CCDC15: variants seen among roughly 807,000 people sequenced by gnomAD.
The protein encoded by CCDC15 is coiled-coil domain-containing protein 15.
In CCDC15, 105 loss-of-function variants were observed where a neutral mutation model predicts 114.5. The ratio of observed to expected loss-of-function variants is 0.92; its 90% CI spans 0.78 to 1.08. The LOEUF (loss-of-function observed/expected upper bound fraction) is 1.08. Among genes scored for constraint, CCDC15 ranks in the 50% least tolerant of loss-of-function variants. The pLI is 0.00. For synonymous variants in CCDC15, 334 were observed against 377.8 expected, an observed-to-expected ratio of 0.88 and a Z score of 1.34; for missense variants, 1,105 against 1,093.6, an observed-to-expected ratio of 1.01 and a Z score of -0.15.
At position 124,973,706 on chromosome 11, in the gene CCDC15, C is replaced by T. The variant is rs200797111; in HGVS notation, c.517-1390C>T. On this transcript the variant is annotated intron_variant, in intron 4 of 15. Coordinates refer to ENST00000344762, the MANE Select transcript of CCDC15 (RefSeq NM_025004.3). The stretch of plus-strand genomic sequence containing the variant: ...TGGCGCAATCTTGGCTCACTGCAGC[C>T]TTGAACTCCAGGCTCAAGCAATCCT... Among the ~76,000 whole-genome samples the T allele has an allele frequency of 4.6e-5, 7 of 152,238 alleles. No homozygotes were observed. The East Asian group carries it at 1.4e-3, about 29-fold the overall frequency.
chr11:124,969,116 T>A (rs1947835929), intron 4 of CCDC15, among the ~76,000 whole-genome samples: 1 of 152,194 alleles, frequency 6.6e-6, no homozygotes, highest in Non-Finnish European at 1.5e-5. Flanking sequence ...TGAATACTAT[T>A]TTGTTTTTCA....
intron 8 of CCDC15, among the ~76,000 whole-genome samples, chr11:124,989,042 C>A (rs149658734): frequency 3.5e-4 from 54 of 152,254 alleles, no homozygotes; most frequent in African/African-American, 1.3e-3. Flanking sequence ...GATGGTGGAC[C>A]CTTTCCAGAG....
intron 13 of CCDC15, among the ~76,000 whole-genome samples, chr11:125,029,549 A>G (rs1039248894): frequency 6.6e-6 from 1 of 152,238 alleles, no homozygotes; most frequent in African/African-American, 2.4e-5. Flanking sequence ...TTCTTAGTAC[A>G]GGAGTATACA....
intron 4 of CCDC15, among the ~76,000 whole-genome samples, chr11:124,970,904 T>C (rs1420306745): frequency 6.6e-6 from 1 of 152,240 alleles, no homozygotes; most frequent in Non-Finnish European, 1.5e-5. Flanking sequence ...TTTCGTTTTG[T>C]TACAAAGAAG....
intron 13 of CCDC15, among the ~76,000 whole-genome samples, chr11:125,024,604 A>T (rs2135537656): frequency 6.6e-6 from 1 of 151,942 alleles, no homozygotes; most frequent in Non-Finnish European, 1.5e-5. Flanking sequence ...CCTGTTTCTG[A>T]TTCTTGCTAA....
intron 2 of CCDC15, 63 bp from the exon 3 acceptor site, chr11:124,959,052 A>G: frequency 8.6e-7 from 1 of 1,167,628 alleles, no homozygotes; most frequent in South Asian, 1.7e-5. Flanking sequence ...TTTGTGTTTA[A>G]AACAGCCCTA....
At chr11:125,008,396 A>G (rs761324474) in intron 13 of CCDC15, among the ~76,000 whole-genome samples, 13 of 152,210 alleles carry the variant, frequency 8.5e-5, no homozygotes, top group Non-Finnish European at 1.8e-4. Flanking sequence ...CCCTGCTGTA[A>G]TCACTTAGTT....
intron 8 of CCDC15, 72 bp downstream of exon 8, chr11:124,988,206 G>C: frequency 6.9e-7 from 1 of 1,450,652 alleles, no homozygotes; most frequent in Non-Finnish European, 9.3e-7. Context: ...GATTTGTAAG[G>C]ACTGCAAGTA....
chr11:124,986,739 T>C lies in CCDC15; in HGVS notation c.754-3T>C, dbSNP rs1183522994. The C allele has an allele frequency of 6.5e-7, 1 of 1,537,568 alleles. No individual in the cohort carries two copies. Among genetic ancestry groups the C allele is most frequent in the East Asian group, 2.5e-5 (1 of 40,774 alleles). ...TGCGCGTTTTCATTGTTTTTTTCTT[T>C]AGGAACTTGACTATGAGGAACCTGA... is the stretch of plus-strand genomic sequence containing the variant. On this transcript the variant is annotated splice_region_variant and splice_polypyrimidine_tract_variant and intron_variant, in intron 6 of 15. Transcript: ENST00000344762.
intron 13 of CCDC15, among the ~76,000 whole-genome samples, chr11:125,036,749 A>G (rs1031254794): frequency 6.6e-6 from 1 of 151,948 alleles, no homozygotes; most frequent in African/African-American, 2.4e-5. Flanking sequence ...TAATTCCACT[A>G]TTAACAGACT....
chr11:124,982,271 G>A (rs1948084112), intron 6 of CCDC15, among the ~76,000 whole-genome samples: 1 of 152,100 alleles, frequency 6.6e-6, no homozygotes, highest in South Asian at 2.1e-4. Context: ...TTTTAATGGG[G>A]CATTTAGTAC....
chr11:124,979,349 T>C (rs931404957), intron 6 of CCDC15, among the ~76,000 whole-genome samples: 2 of 152,228 alleles, frequency 1.3e-5, no homozygotes, highest in Non-Finnish European at 2.9e-5. Context: ...AGGAATAGCA[T>C]TGAATCTGTA....
intron 13 of CCDC15, among the ~76,000 whole-genome samples, chr11:125,032,830 C>G (rs1948749449): frequency 6.6e-6 from 1 of 152,170 alleles, no homozygotes; most frequent in Non-Finnish European, 1.5e-5. Flanking sequence ...TGAGCTAAAA[C>G]TCCATTAATT....
Position 125,025,087 on chromosome 11 carries a change from T to TATATATATGAATATATATATGA in CCDC15, c.2412-13326_2412-13325insATGAATATATATGAATATATAT, listed in dbSNP as rs1948690010. ...ATATGAATATATGAATATATATGAA[T>TATATATATGAATATATATATGA]ATATATATGAATATATATGAATATA... On this transcript the variant is annotated intron_variant, in intron 13 of 15. Coordinates refer to ENST00000344762, the MANE Select transcript of CCDC15 (RefSeq NM_025004.3). Among the ~76,000 whole-genome samples, 3 of 76,288 alleles carry TATATATATGAATATATATATGA rather than the reference T, an allele frequency of 3.9e-5. 1 individual carries two copies. Among genetic ancestry groups the TATATATATGAATATATATATGA allele is most frequent in the African/African-American group, 1.5e-4 (3 of 20,402 alleles). The allele number at this position is 76,288 out of a possible 152,430, so 50.0% of individuals were successfully genotyped here.
chr11:125,029,533 G>T (rs1470556170), intron 13 of CCDC15, among the ~76,000 whole-genome samples: 3 of 152,154 alleles, frequency 2.0e-5, no homozygotes, highest in Non-Finnish European at 4.4e-5. Flanking sequence ...ATAAAATGAA[G>T]ATATTTTCTT....
At chr11:125,014,521 A>T (rs1383333378) in intron 13 of CCDC15, among the ~76,000 whole-genome samples, 1 of 152,202 alleles carries the variant, frequency 6.6e-6, no homozygotes, top group East Asian at 1.9e-4. Flanking sequence ...AGATGGAGAA[A>T]ATGGATGAAA....
intron 4 of CCDC15, among the ~76,000 whole-genome samples, chr11:124,967,007 C>T (rs930720186): frequency 2.0e-5 from 3 of 152,172 alleles, no homozygotes; most frequent in East Asian, 1.9e-4. Context: ...CCGAGAGATC[C>T]GCTGTTAGTC....
chr11:124,989,212 C>T (rs1160350514), intron 8 of CCDC15, among the ~76,000 whole-genome samples: 1 of 152,188 alleles, frequency 6.6e-6, no homozygotes, highest in East Asian at 1.9e-4. Flanking sequence ...CATTAATCTC[C>T]TTGTATATCT....
chr11:125,018,566 C>T (rs544364697), intron 13 of CCDC15, among the ~76,000 whole-genome samples: 9 of 152,170 alleles, frequency 5.9e-5, no homozygotes, highest in African/African-American at 1.9e-4. Context: ...AGTCCCAGCT[C>T]TGCTACCTAC....
Sources: allele counts gnomAD v4.1 joint callset (sites outside exome capture counted in the v4.1 genomes callset), GRCh38; gene constraint gnomAD v4.1.1; transcripts MANE v1.5; gene names NCBI Gene and HGNC (gene_info 2026-07-23, HGNC 2026-07-21).